The following SAMD12 variants were observed in gnomAD, a reference collection of about 807,000 sequenced individuals.
SAMD12 encodes the protein sterile alpha motif domain-containing protein 12.
SAMD12 carries 9 observed loss-of-function variants against 15.0 expected under a neutral mutation model. That is an observed-to-expected ratio of 0.60 (90% CI 0.36 to 1.05). The LOEUF is 1.05. Among genes scored for constraint, SAMD12 ranks in the 50% least tolerant of loss-of-function variants. SAMD12 has a pLI of 0.01. For missense variants in SAMD12, 230 were observed against 234.2 expected, an observed-to-expected ratio of 0.98 and a Z score of 0.12; for synonymous variants, 86 against 90.1, an observed-to-expected ratio of 0.96 and a Z score of 0.25.
intron 2 of SAMD12, among the ~76,000 whole-genome samples, chr8:118,480,663 C>T (rs1285323807): frequency 1.3e-5 from 2 of 152,150 alleles, no homozygotes; most frequent in East Asian, 1.9e-4. Flanking sequence ...CTGGGAACAA[C>T]CAGAATGATT....
intron 4 of SAMD12, among the ~76,000 whole-genome samples, chr8:118,232,287 T>C (rs1222408545): frequency 6.6e-6 from 1 of 152,092 alleles, no homozygotes; most frequent in African/African-American, 2.4e-5. Flanking sequence ...TAAATCATCC[T>C]GGGGGATCAG....
chr8:118,155,356 T>C, the SAMD12 span, among the ~76,000 whole-genome samples: 2 of 152,184 alleles, frequency 1.3e-5, no homozygotes, highest in East Asian at 3.9e-4. Flanking sequence ...CGATGAACAG[T>C]GTTTTTGGGG....
At chr8:118,197,224 C>G (rs916571526) in exon 5 of SAMD12, 1 of 167,526 alleles carries the variant, frequency 6.0e-6, no homozygotes, top group African/African-American at 2.4e-5. Flanking sequence ...GACATCATAA[C>G]TAACATAATC....
At chr8:118,408,837 C>T (rs1262548712) in intron 3 of SAMD12, among the ~76,000 whole-genome samples, 1 of 152,106 alleles carries the variant, frequency 6.6e-6, no homozygotes, top group African/African-American at 2.4e-5. Context: ...CCTTAGCTCT[C>T]CTACTAAAAA....
At chr8:118,518,365 A>G (rs1825299765) in intron 2 of SAMD12, among the ~76,000 whole-genome samples, 1 of 152,200 alleles carries the variant, frequency 6.6e-6, no homozygotes, top group Non-Finnish European at 1.5e-5. Flanking sequence ...ATAGGAAGTA[A>G]CAAAGGCGAT....
chr8:118,489,345 T>G (rs911016642), intron 2 of SAMD12, among the ~76,000 whole-genome samples: 1 of 152,192 alleles, frequency 6.6e-6, no homozygotes, highest in African/African-American at 2.4e-5. Context: ...TTTTAATACA[T>G]CTACTTTATC....
intron 2 of SAMD12, among the ~76,000 whole-genome samples, chr8:118,568,128 G>A (rs1307934342): frequency 6.6e-6 from 1 of 152,208 alleles, no homozygotes; most frequent in Non-Finnish European, 1.5e-5. Context: ...CAGAATCAGG[G>A]ATCAGGGGCC....
At chr8:118,486,196 C>T (rs527262610) in intron 2 of SAMD12, among the ~76,000 whole-genome samples, 2 of 152,110 alleles carry the variant, frequency 1.3e-5, no homozygotes, top group South Asian at 4.1e-4. Flanking sequence ...GGGCAGATCA[C>T]GAGGTCAGGA....
the SAMD12 span, among the ~76,000 whole-genome samples, chr8:118,149,086 T>C: frequency 2.2e-3 from 328 of 152,328 alleles, 2 homozygotes; most frequent in African/African-American, 7.5e-3. Flanking sequence ...GGTAAATGTA[T>C]GCTTAACTTT....
At chr8:118,302,258 G>A (rs1035950652) in intron 4 of SAMD12, among the ~76,000 whole-genome samples, 12 of 151,970 alleles carry the variant, frequency 7.9e-5, no homozygotes, top group African/African-American at 2.4e-4. Flanking sequence ...TGTTAAGGTC[G>A]CATCTTGTAT....
At chr8:118,286,457 T>G (rs1814025529) in intron 4 of SAMD12, among the ~76,000 whole-genome samples, 1 of 152,206 alleles carries the variant, frequency 6.6e-6, no homozygotes, top group Non-Finnish European at 1.5e-5. Flanking sequence ...TCTTCCTTCT[T>G]TCTTCTGAAA....
chr8:118,619,276 G>C (rs1009282176), intron 1 of SAMD12, among the ~76,000 whole-genome samples: 3 of 152,012 alleles, frequency 2.0e-5, no homozygotes, highest in African/African-American at 2.4e-5. Context: ...AGGAGATCGA[G>C]ACCATCCTGG....
chr8:118,532,584 C>T (rs534215351), intron 2 of SAMD12, among the ~76,000 whole-genome samples: 158 of 152,096 alleles, frequency 1.0e-3, no homozygotes, highest in African/African-American at 3.0e-3. Flanking sequence ...GTTTTTGGTT[C>T]GTAGGCTCTT....
chr8:118,144,574 T>G, the SAMD12 span, among the ~76,000 whole-genome samples: 1 of 151,950 alleles, frequency 6.6e-6, no homozygotes, highest in East Asian at 1.9e-4. Context: ...TTTATTGAAT[T>G]AATAACATTT....
the SAMD12 span, among the ~76,000 whole-genome samples, chr8:118,134,351 T>C: frequency 5.3e-5 from 8 of 152,262 alleles, no homozygotes; most frequent in Non-Finnish European, 1.2e-4. Flanking sequence ...GAGGGGCTTT[T>C]TCTGGAAGTC....
chr8:118,179,438 C>G, the SAMD12 span, among the ~76,000 whole-genome samples: 396 of 127,112 alleles, frequency 3.1e-3, no homozygotes, highest in Non-Finnish European at 4.6e-3. Flanking sequence ...ACTCCGTCTC[C>G]GAAAAAAAAA....
intron 2 of SAMD12, among the ~76,000 whole-genome samples, chr8:118,457,528 A>C (rs1017351172): frequency 6.6e-6 from 1 of 152,132 alleles, no homozygotes; most frequent in Non-Finnish European, 1.5e-5. Flanking sequence ...GGAAATCAGA[A>C]TTAAAATGTG....
intron 2 of SAMD12, among the ~76,000 whole-genome samples, chr8:118,560,360 T>C (rs989182965): frequency 6.6e-6 from 1 of 152,236 alleles, no homozygotes; most frequent in Non-Finnish European, 1.5e-5. Context: ...TATAGTTCAC[T>C]GACAGCCATG....
intron 4 of SAMD12, among the ~76,000 whole-genome samples, chr8:118,278,905 T>G (rs1319838342): frequency 2.0e-5 from 3 of 152,182 alleles, no homozygotes; most frequent in Non-Finnish European, 4.4e-5. Context: ...GTTGTCATAC[T>G]CGAGGTGATA....
Sources: allele counts gnomAD v4.1 joint callset (sites outside exome capture counted in the v4.1 genomes callset), GRCh38; gene constraint gnomAD v4.1.1; transcripts MANE v1.5; gene names NCBI Gene and HGNC (gene_info 2026-07-23, HGNC 2026-07-21).